Variants in TCF7L1 observed in about 807,000 individuals in gnomAD.
TCF7L1 encodes the protein transcription factor 7 like 1.
A neutral mutation model predicts 63.7 loss-of-function variants in TCF7L1; 18 were observed. The observed-to-expected ratio is 0.28, with a 90% confidence interval of 0.20 to 0.42. The LOEUF (loss-of-function observed/expected upper bound fraction) is 0.42, where lower values mean the gene tolerates loss of function less well. TCF7L1 is among the 10% of genes least tolerant of loss of function. The pLI, the probability that TCF7L1 is intolerant of heterozygous loss-of-function variation, is 1.00. For missense variants in TCF7L1, 654 were observed against 779.3 expected (o/e 0.84, Z 1.91); for synonymous variants, 355 against 340.9 (o/e 1.04, Z -0.46).
intron 3 of TCF7L1, among the ~76,000 whole-genome samples, chr2:85,229,755 C>T (rs1359512216): frequency 2.0e-5 from 3 of 152,174 alleles, no homozygotes; most frequent in African/African-American, 7.2e-5. Context: ...CACCTGTGAT[C>T]CCAGCACTTT....
chr2:85,283,677 C>T, intron 4 of TCF7L1, 99 bp downstream of exon 4: 1 of 1,304,174 alleles, frequency 7.7e-7, no homozygotes, highest in Non-Finnish European at 1.1e-6. Context: ...TGGGGTCCAA[C>T]AGTGTTTCCT....
chr2:85,249,369 A>C (rs1196831181), intron 3 of TCF7L1, among the ~76,000 whole-genome samples: 1 of 152,134 alleles, frequency 6.6e-6, no homozygotes, highest in African/African-American at 2.4e-5. Context: ...CTCTGGCGAC[A>C]CCAGTTTTTG....
intron 3 of TCF7L1, among the ~76,000 whole-genome samples, chr2:85,163,406 G>C (rs1678333782): frequency 6.6e-6 from 1 of 152,018 alleles, no homozygotes; most frequent in Non-Finnish European, 1.5e-5. Flanking sequence ...GATTCCCTAT[G>C]CCCCTCCATC....
rs577777116 is a variant in TCF7L1 at position 85,268,621 on chromosome 2, T to C, written c.442-14874T>C. On this transcript the variant is annotated intron_variant, in intron 3 of 11. Transcript: ENST00000282111. ...CATGCCCGGCTAGTTTTTGTACTTT[T>C]CATAGAGACGGGGTTTCACCATGTT... Among the ~76,000 whole-genome samples, 5 of 152,074 alleles carry C rather than the reference T, an allele frequency of 3.3e-5. No individual in the cohort carries two copies. The East Asian group carries it at 7.7e-4, about 24-fold the overall frequency.
At chr2:85,281,100 T>C (rs932599577) in intron 3 of TCF7L1, among the ~76,000 whole-genome samples, 5 of 148,240 alleles carry the variant, frequency 3.4e-5, no homozygotes, top group Non-Finnish European at 7.4e-5. Context: ...CTCGGTTCAC[T>C]GCAACCTCCG....
intron 4 of TCF7L1, among the ~76,000 whole-genome samples, chr2:85,285,566 T>C (rs1010398752): frequency 2.6e-5 from 4 of 152,218 alleles, no homozygotes; most frequent in Admixed American, 2.6e-4. Context: ...GAACAAGCAC[T>C]CCACACCTCA....
intron 3 of TCF7L1, among the ~76,000 whole-genome samples, chr2:85,187,520 T>C (rs181259109): frequency 6.9e-4 from 105 of 152,354 alleles, no homozygotes; most frequent in Middle Eastern, 3.4e-3. Context: ...ATATAAGGTG[T>C]AATGTTTAGG....
intron 3 of TCF7L1, among the ~76,000 whole-genome samples, chr2:85,135,790 A>AGGGC (rs1553392574): frequency 1.3e-5 from 2 of 151,240 alleles, no homozygotes; most frequent in African/African-American, 2.4e-5. Context: ...AGAGGGAGGG[A>AGGGC]GGTCTTGCAG....
intron 3 of TCF7L1, among the ~76,000 whole-genome samples, chr2:85,218,708 T>C (rs1679770737): frequency 6.6e-6 from 1 of 152,202 alleles, no homozygotes; most frequent in Admixed American, 6.5e-5. Context: ...GGAGAGGTCC[T>C]TGGATATTTA....
intron 3 of TCF7L1, among the ~76,000 whole-genome samples, chr2:85,255,885 TTGAC>T (rs1680704836): frequency 2.6e-5 from 4 of 152,158 alleles, no homozygotes. Flanking sequence ...TGTGCGGTGA[TTGAC>T]TGGGCTCAGT....
chr2:85,159,935 G>A (rs1028492678), intron 3 of TCF7L1, among the ~76,000 whole-genome samples: 14 of 152,264 alleles, frequency 9.2e-5, no homozygotes, highest in Admixed American at 2.0e-4. Context: ...CTCCCTGACC[G>A]ATGCCCACTG....
intron 3 of TCF7L1, among the ~76,000 whole-genome samples, chr2:85,155,227 C>T (rs968785127): frequency 6.6e-6 from 1 of 152,144 alleles, no homozygotes; most frequent in Non-Finnish European, 1.5e-5. Context: ...TTGTAAAATG[C>T]ACCAATCAGC....
chr2:85,220,164 G>GC (rs1471356346), intron 3 of TCF7L1, among the ~76,000 whole-genome samples: 5 of 152,054 alleles, frequency 3.3e-5, no homozygotes, highest in Non-Finnish European at 7.3e-5. Flanking sequence ...GGTATGACAA[G>GC]CAGTACCTTT....
chr2:85,245,523 A>G (rs1680440318), intron 3 of TCF7L1, among the ~76,000 whole-genome samples: 1 of 152,062 alleles, frequency 6.6e-6, no homozygotes, highest in South Asian at 2.1e-4. Context: ...CCTCTTTAAA[A>G]CAGACCGGGC....
chr2:85,309,237 G>A lies in TCF7L1; in HGVS notation c.1542G>A (p.Gln514=). The part of the protein sequence containing the change: ...SLTTKPETRA[Q]LALHSAAFLS... ...CCACCAAACCAGAAACCCGGGCCCA[G>A]CTGGCTCTCCACTCTGCCGCCTTCC... Residue 514 remains glutamine (Q), a synonymous_variant, in exon 12 of 12, where the codon CAG becomes CAA. Coordinates refer to ENST00000282111, the MANE Select transcript of TCF7L1 (RefSeq NM_031283.3). 1 of 1,614,012 alleles carries A rather than the reference G, an allele frequency of 6.2e-7. No individual in the cohort carries two copies. The highest frequency in any genetic ancestry group is 1.1e-5 in the South Asian group (1 of 91,086).
At chr2:85,291,954 T>C (rs113392199) in intron 4 of TCF7L1, among the ~76,000 whole-genome samples, 1,369 of 128,350 alleles carry the variant, frequency 0.011, 231 homozygotes, top group African/African-American at 0.019. Context: ...GATCCTTCTG[T>C]CTCAGCCTCC....
Position 85,306,532 on chromosome 2 carries a change from C to T in TCF7L1, c.1230C>T (p.Tyr410=). The T allele has an allele frequency of 6.2e-7, 1 of 1,614,198 alleles. No homozygotes were observed. Among genetic ancestry groups the T allele is most frequent in the Non-Finnish European group, 8.5e-7 (1 of 1,180,032 alleles). The change falls in exon 10 of 12, where the codon TAC becomes TAT. Residue 410 remains tyrosine, a synonymous_variant. Coordinates refer to ENST00000282111, the MANE Select transcript of TCF7L1 (RefSeq NM_031283.3). The surrounding 1 kb of genome is among the most constrained non-coding windows in gnomAD (Gnocchi z 4.3). ...AGCGGCAGCTTCACTCGCAGCTCTA[C>T]CCAACCTGGTCAGCCCGGGACAACT... ...RKERQLHSQL[Y]PTWSARDNYG... is the part of the protein sequence containing the mutation.
At chr2:85,220,442 C>T (rs1286363650) in intron 3 of TCF7L1, among the ~76,000 whole-genome samples, 3 of 151,430 alleles carry the variant, frequency 2.0e-5, no homozygotes. Context: ...AATGTCAGCT[C>T]ACTGCAACCT....
intron 3 of TCF7L1, among the ~76,000 whole-genome samples, chr2:85,136,542 C>G (rs1178658667): frequency 6.6e-6 from 1 of 152,152 alleles, no homozygotes; most frequent in Admixed American, 6.5e-5. Context: ...GGCCCAGGCA[C>G]CAGCCTCCTT....
Sources: gnomAD v4.1 joint callset for allele counts (sites outside exome capture counted in the v4.1 genomes callset) on GRCh38, gnomAD v4.1.1 for gene constraint, Gnocchi (gnomAD v3.1) non-coding constraint, MANE v1.5 for transcripts, NCBI Gene and HGNC (gene_info 2026-07-23, HGNC 2026-07-21) for gene names.